ACYP2: variants seen among roughly 807,000 people sequenced by gnomAD.
The protein encoded by ACYP2 is acylphosphatase-2.
ACYP2 carries 12 observed loss-of-function variants against 11.2 expected under a neutral mutation model. The ratio of observed to expected loss-of-function variants is 1.08; its 90% confidence interval spans 0.69 to 1.74. The LOEUF (loss-of-function observed/expected upper bound fraction) is 1.74. ACYP2 is among the 40% of genes most tolerant of loss of function. The pLI, the probability that ACYP2 is intolerant of heterozygous loss-of-function variation, is 0.00. For missense variants in ACYP2, 134 were observed against 101.9 expected (o/e 1.31, Z -1.35); for synonymous variants, 43 against 32.2 (o/e 1.33, Z -1.13).
chr2:54,184,009 A>G (rs950194273), intron 6 of ACYP2, among the ~76,000 whole-genome samples: 2 of 152,184 alleles, frequency 1.3e-5, no homozygotes, highest in African/African-American at 2.4e-5. Context: ...AAGCAAGATG[A>G]TAGATGCTCA....
chr2:54,181,678 A>G (rs1230336113), intron 6 of ACYP2, among the ~76,000 whole-genome samples: 2 of 152,194 alleles, frequency 1.3e-5, no homozygotes, highest in Non-Finnish European at 2.9e-5. Flanking sequence ...TTCATCAAAT[A>G]TTTATTAAGC....
At chr2:54,015,775 G>A (rs1020838709) in intron 2 of ACYP2, among the ~76,000 whole-genome samples, 1 of 152,048 alleles carries the variant, frequency 6.6e-6, no homozygotes, top group Non-Finnish European at 1.5e-5. Flanking sequence ...GCATGTGACA[G>A]TTTGAGAGGC....
intron 6 of ACYP2, among the ~76,000 whole-genome samples, chr2:54,292,337 C>G (rs1046231925): frequency 1.3e-5 from 2 of 151,888 alleles, no homozygotes; most frequent in African/African-American, 2.4e-5. Context: ...TATAATGTGG[C>G]AAGTTTGAAT....
intron 6 of ACYP2, among the ~76,000 whole-genome samples, chr2:54,208,258 CTCT>C (rs879736583): frequency 1.5e-4 from 23 of 151,980 alleles, no homozygotes; most frequent in Non-Finnish European, 3.4e-4. Context: ...TTTCCCTCCC[CTCT>C]TCTTCCCTCT....
chr2:54,251,468 GA>G (rs1368895203), intron 6 of ACYP2, among the ~76,000 whole-genome samples: 1 of 152,028 alleles, frequency 6.6e-6, no homozygotes, highest in Non-Finnish European at 1.5e-5. Flanking sequence ...ACAACTCAGT[GA>G]AGTTTCACAA....
intron 2 of ACYP2, among the ~76,000 whole-genome samples, chr2:53,977,153 T>G (rs1671533968): frequency 6.6e-6 from 1 of 152,108 alleles, no homozygotes; most frequent in African/African-American, 2.4e-5. Context: ...GTTCAAGCAA[T>G]TCTTCTGCCT....
chr2:54,296,182 T>G (rs1689515690), intron 6 of ACYP2, among the ~76,000 whole-genome samples: 1 of 151,954 alleles, frequency 6.6e-6, no homozygotes, highest in Admixed American at 6.6e-5. Context: ...TGCAACAGAG[T>G]AGGGGTGGGG....
At chr2:54,236,286 G>T (rs555979228) in intron 6 of ACYP2, among the ~76,000 whole-genome samples, 26 of 152,094 alleles carry the variant, frequency 1.7e-4, no homozygotes, top group South Asian at 6.2e-4. Flanking sequence ...TTTTTATCAA[G>T]GATGTTTAGC....
intron 2 of ACYP2, among the ~76,000 whole-genome samples, chr2:53,981,349 G>A (rs1470262614): frequency 6.6e-6 from 1 of 152,180 alleles, no homozygotes; most frequent in African/African-American, 2.4e-5. Context: ...AGTGGGCTGA[G>A]CATAGGGGCT....
At chr2:54,231,224 C>T (rs929280964) in intron 6 of ACYP2, among the ~76,000 whole-genome samples, 5 of 152,190 alleles carry the variant, frequency 3.3e-5, no homozygotes, top group Non-Finnish European at 5.9e-5. Flanking sequence ...CTTGGGCACA[C>T]GTTCTCAGGA....
intron 4 of ACYP2, among the ~76,000 whole-genome samples, chr2:54,117,422 G>C (rs1295814969): frequency 6.6e-6 from 1 of 152,164 alleles, no homozygotes; most frequent in East Asian, 1.9e-4. Flanking sequence ...AGCCTTCTAA[G>C]CAGCTGGGAC....
chr2:54,173,274 A>T (rs1683291677), intron 6 of ACYP2, among the ~76,000 whole-genome samples: 1 of 152,064 alleles, frequency 6.6e-6, no homozygotes, highest in Non-Finnish European at 1.5e-5. Flanking sequence ...TGTGGTTTTG[A>T]TTTGCATTTC....
intron 6 of ACYP2, among the ~76,000 whole-genome samples, chr2:54,184,792 C>T (rs981794670): frequency 1.3e-5 from 2 of 151,592 alleles, no homozygotes; most frequent in Non-Finnish European, 2.9e-5. Context: ...GAAGAAAAGA[C>T]TCCATGTTAT....
intron 2 of ACYP2, among the ~76,000 whole-genome samples, chr2:54,036,676 C>T (rs543761925): frequency 3.2e-4 from 49 of 152,340 alleles, no homozygotes; most frequent in African/African-American, 1.2e-3. Flanking sequence ...ATTGGCTTCT[C>T]TTTGCCTTGA....
intron 6 of ACYP2, among the ~76,000 whole-genome samples, chr2:54,212,951 T>C (rs1685390902): frequency 6.6e-6 from 1 of 152,100 alleles, no homozygotes; most frequent in African/African-American, 2.4e-5. Flanking sequence ...TTCTCCAACT[T>C]TTATTTTAGG....
chr2:53,977,990 G>A (rs1671576555), intron 2 of ACYP2, among the ~76,000 whole-genome samples: 1 of 152,028 alleles, frequency 6.6e-6, no homozygotes, highest in African/African-American at 2.4e-5. Flanking sequence ...GGCTGGGCAT[G>A]GTGGCTCACG....
chr2:54,032,244 G>T (rs1236732849), intron 2 of ACYP2, among the ~76,000 whole-genome samples: 1 of 152,108 alleles, frequency 6.6e-6, no homozygotes, highest in Non-Finnish European at 1.5e-5. Context: ...TTCTTCTAGG[G>T]TTTTATGGTT....
At chr2:54,027,117 T>C (rs2104550881) in intron 2 of ACYP2, among the ~76,000 whole-genome samples, 1 of 152,320 alleles carries the variant, frequency 6.6e-6, no homozygotes, top group South Asian at 2.1e-4. Flanking sequence ...GCCAGTTTCC[T>C]CTATTATTAA....
intron 6 of ACYP2, among the ~76,000 whole-genome samples, chr2:54,198,833 C>G (rs368518678): frequency 1.1e-4 from 16 of 152,130 alleles, no homozygotes; most frequent in African/African-American, 3.4e-4. Flanking sequence ...TTTGTTCTTA[C>G]CAGAACTGTG....
Sources: allele counts gnomAD v4.1 joint callset (sites outside exome capture counted in the v4.1 genomes callset), GRCh38; gene constraint gnomAD v4.1.1; transcripts MANE v1.5; gene names NCBI Gene and HGNC (gene_info 2026-07-23, HGNC 2026-07-21).